Variants in RNF217 observed in about 807,000 individuals in gnomAD.
RNF217 encodes the protein ring finger protein 217.
RNF217 carries 31 observed loss-of-function variants against 57.8 expected under a neutral mutation model. That is an observed-to-expected ratio of 0.54 (90% confidence interval 0.40 to 0.72). The LOEUF is 0.72. Among genes scored for constraint, RNF217 ranks in the 30% least tolerant of loss-of-function variants. The probability of loss-of-function intolerance (pLI) is 0.00; values close to 1 mark genes in which losing one functional copy is unlikely to be tolerated. For missense variants in RNF217, 696 were observed against 708.3 expected (o/e 0.98, Z 0.20); for synonymous variants, 313 against 294.0 (o/e 1.06, Z -0.66).
rs1788977532 is a variant in RNF217, at chr6:125,092,317, T to G, written c.*9380T>G. On this transcript the variant is annotated 3_prime_UTR_variant, in exon 6 of 6. Coordinates refer to ENST00000521654, the MANE Select transcript of RNF217 (RefSeq NM_001286398.3). ...CAAGTCTTTCAAAAGACGGACACCTTGTGATATTTTGGAGTCTAATTTCCG... is the reference window on the plus strand; with the variant it reads ...CAAGTCTTTCAAAAGACGGACACCTGGTGATATTTTGGAGTCTAATTTCCG... 6.6e-6 allele frequency: 1 copy of G among 152,176 alleles called. No homozygotes were observed. Among genetic ancestry groups the G allele is most frequent in the South Asian group, 2.1e-4 (1 of 4,826 alleles). 9.4% of individuals were successfully genotyped at this position (152,176 alleles called of 1,614,324 possible). A position where few individuals can be genotyped will look rare whatever the true frequency, so the allele number is the denominator to read the frequency against.
chr6:125,082,591 G>T, intron 5 of RNF217: 1 of 1,589,532 alleles, frequency 6.3e-7, no homozygotes, highest in South Asian at 1.2e-5. Context: ...CAAATGATAT[G>T]ACTGTGGACA....
intron 1 of RNF217, among the ~76,000 whole-genome samples, chr6:124,997,472 A>G (rs753213558): frequency 3.3e-4 from 50 of 152,212 alleles, no homozygotes; most frequent in Non-Finnish European, 1.2e-4. Flanking sequence ...GAGTTAATAT[A>G]TTCCCATCTC....
At chr6:125,024,492 C>T (rs6926080) in intron 1 of RNF217, among the ~76,000 whole-genome samples, 58,094 of 145,818 alleles carry the variant, frequency 0.4, 12,272 homozygotes, top group African/African-American at 0.54. Flanking sequence ...CTGAGGCAGG[C>T]GGATCACCTG....
chr6:125,039,222 TACC>T (rs1786775508), intron 1 of RNF217, among the ~76,000 whole-genome samples: 1 of 152,152 alleles, frequency 6.6e-6, no homozygotes, highest in African/African-American at 2.4e-5. Flanking sequence ...GGTGCATATG[TACC>T]ACATTTTTTT....
At chr6:125,017,867 A>G (rs1193025389) in intron 1 of RNF217, among the ~76,000 whole-genome samples, 1 of 152,214 alleles carries the variant, frequency 6.6e-6, no homozygotes, top group Non-Finnish European at 1.5e-5. Context: ...TGAAAGGTCA[A>G]AATGAAACAT....
At chr6:125,011,935 G>T (rs1011866769) in intron 1 of RNF217, among the ~76,000 whole-genome samples, 7 of 151,852 alleles carry the variant, frequency 4.6e-5, no homozygotes, top group African/African-American at 1.7e-4. Context: ...GCATTTTAGT[G>T]TGATTTGGAG....
At chr6:124,974,893 C>T (rs1783903988) in intron 1 of RNF217, among the ~76,000 whole-genome samples, 1 of 152,128 alleles carries the variant, frequency 6.6e-6, no homozygotes, top group African/African-American at 2.4e-5. Flanking sequence ...ATGTTGTCCT[C>T]GAGTTTCTTC....
Position 125,005,399 on chromosome 6 carries a change from A to G in RNF217, c.883-39812A>G, listed in dbSNP as rs571391728. ...ACTTAAAGACAAATATGGCTTGCAT[A>G]ACATAAGGGTACAAGGTGAAACTCT... On this transcript the variant is annotated intron_variant, in intron 1 of 5. Coordinates refer to ENST00000521654, the MANE Select transcript of RNF217 (RefSeq NM_001286398.3). Among the ~76,000 whole-genome samples, 83 of 152,352 alleles carry G rather than the reference A, an allele frequency of 5.4e-4. 1 individual carries two copies. In the South Asian group the frequency reaches 0.017, roughly 31 times the overall value.
intron 1 of RNF217, among the ~76,000 whole-genome samples, chr6:125,018,030 A>G (rs1310362442): frequency 6.6e-6 from 1 of 152,198 alleles, no homozygotes; most frequent in Non-Finnish European, 1.5e-5. Context: ...TTATAAGTGT[A>G]ACAACTATCC....
In RNF217 at chr6:125,087,422, A is replaced by G. The variant is rs1228853092; in HGVS notation, c.*4485A>G. 1 of 152,140 alleles carries G rather than the reference A, an allele frequency of 6.6e-6. No homozygotes were observed. The highest frequency in any genetic ancestry group is 1.5e-5 in the Non-Finnish European group (1 of 68,016). The allele number at this position is 152,140 out of a possible 1,614,324, so 9.4% of individuals were successfully genotyped here. On this transcript the variant is annotated 3_prime_UTR_variant, in exon 6 of 6. Coordinates refer to ENST00000521654, the MANE Select transcript of RNF217 (RefSeq NM_001286398.3). ...GCTGAAATCTCTCCCAACTATTGAG[A>G]GTGATCTTTCCCATGGTCTGCTTTA...
intron 5 of RNF217, chr6:125,082,388 T>G: frequency 1.4e-6 from 2 of 1,461,484 alleles, no homozygotes; most frequent in Non-Finnish European, 1.8e-6. Flanking sequence ...ATCTGACATT[T>G]AAGTTCTTGC....
intron 1 of RNF217, among the ~76,000 whole-genome samples, chr6:125,027,873 G>A (rs1469432619): frequency 6.6e-6 from 1 of 152,108 alleles, no homozygotes. Flanking sequence ...GGTATCTCTT[G>A]TAGTTTTGAT....
chr6:125,001,913 G>A (rs1406654730), intron 1 of RNF217, among the ~76,000 whole-genome samples: 1 of 152,202 alleles, frequency 6.6e-6, no homozygotes, highest in African/African-American at 2.4e-5. Context: ...AGATGAGGGA[G>A]TATTCTCAGG....
At chr6:125,035,424 A>T (rs1271999195) in intron 1 of RNF217, among the ~76,000 whole-genome samples, 1 of 152,214 alleles carries the variant, frequency 6.6e-6, no homozygotes, top group East Asian at 1.9e-4. Flanking sequence ...AAGAATTTTC[A>T]ACCCAGAATT....
chr6:124,999,458 CT>C lies in RNF217; in HGVS notation c.882+36042del, dbSNP rs559114602. Reference sequence around the variant, plus strand: ...AAGAGCAAATACAATTGATCTTTACCTTTTTTTTTTCAAGCTTTAAAATTGT... The same window carrying C: ...AAGAGCAAATACAATTGATCTTTACCTTTTTTTTTCAAGCTTTAAAATTGT... On this transcript the variant is annotated intron_variant, in intron 1 of 5. Transcript: ENST00000521654. Among the ~76,000 whole-genome samples the C allele has an allele frequency of 6.1e-3, 910 of 148,874 alleles. 3 individuals are homozygous for C. Among genetic ancestry groups the C allele is most frequent in the Non-Finnish European group, 8.2e-3 (549 of 66,936 alleles).
intron 1 of RNF217, among the ~76,000 whole-genome samples, chr6:124,983,201 G>A (rs1784241009): frequency 6.6e-6 from 1 of 152,112 alleles, no homozygotes; most frequent in Non-Finnish European, 1.5e-5. Flanking sequence ...TTATGAGTGG[G>A]CCCATAACAT....
At chr6:125,013,685 G>T (rs1748562361) in intron 1 of RNF217, among the ~76,000 whole-genome samples, 1 of 152,046 alleles carries the variant, frequency 6.6e-6, no homozygotes, top group Non-Finnish European at 1.5e-5. Context: ...TGAGAAAATG[G>T]ATATATAATA....
chr6:124,962,773 G>A lies in RNF217; in HGVS notation c.229G>A (p.Gly77Ser), dbSNP rs757796864. ...GCCCGCGAGGAGCCTGGGGCCCCCG[G>A]GCTGGAGTAAGAGCCGAGCACCGGC... ...PEPARSLGPP[G>S]WSKSRAPAQP... The change falls in exon 1 of 6, where the codon GGC becomes AGC. Residue 77 changes from glycine (G) to serine (S), a missense_variant. By Grantham distance (56) the Gly-to-Ser change is moderately conservative. Transcript: ENST00000521654. This position sits in a 1 kb window ranked among gnomAD's most constrained non-coding sequence, Gnocchi z 4.6. The A allele has an allele frequency of 1.9e-6, 3 of 1,595,448 alleles. No homozygotes were observed. Among genetic ancestry groups the A allele is most frequent in the Non-Finnish European group, 1.7e-6 (2 of 1,179,042 alleles).
Position 125,081,506 on chromosome 6 carries a change from C to T in RNF217, c.1554C>T (p.Ile518=), listed in dbSNP as rs267600790. 63 of 1,607,042 alleles carry T rather than the reference C, an allele frequency of 3.9e-5. 2 individuals carry two copies. Among genetic ancestry groups the T allele is most frequent in the South Asian group, 3.6e-4 (33 of 90,760 alleles). ...GLALGAIAVV[I]GLFVFPIYCL... ...CACTAGGGGCCATAGCGGTTGTAATCGGTAAGAAACACTTCATGCATCTGA... is the reference window on the plus strand; with the variant it reads ...CACTAGGGGCCATAGCGGTTGTAATTGGTAAGAAACACTTCATGCATCTGA... Residue 518 remains isoleucine (I), a splice_region_variant and synonymous_variant, in exon 5 of 6, where the codon ATC becomes ATT. Coordinates refer to ENST00000521654, the MANE Select transcript of RNF217 (RefSeq NM_001286398.3).
Sources: gnomAD v4.1 joint callset for allele counts (sites outside exome capture counted in the v4.1 genomes callset) on GRCh38, gnomAD v4.1.1 for gene constraint, Gnocchi (gnomAD v3.1) non-coding constraint, MANE v1.5 for transcripts, NCBI Gene and HGNC (gene_info 2026-07-23, HGNC 2026-07-21) for gene names.